The following MIDEAS variants were observed in gnomAD, a reference collection of about 807,000 sequenced individuals.
MIDEAS encodes mitotic deacetylase-associated SANT domain protein.
In MIDEAS, 26 loss-of-function variants were observed where a neutral mutation model predicts 102.7. That is an observed-to-expected ratio of 0.25 (90% confidence interval 0.19 to 0.35). The LOEUF (loss-of-function observed/expected upper bound fraction) is 0.35, where lower values mean the gene tolerates loss of function less well. Ranked by LOEUF, MIDEAS falls within the 10% of genes least tolerant of loss-of-function variation. The probability of loss-of-function intolerance (pLI) is 1.00; values close to 1 mark genes in which losing one functional copy is unlikely to be tolerated. For synonymous variants in MIDEAS, 585 were observed against 591.0 expected (o/e 0.99, Z 0.15); for missense variants, 1,231 against 1,435.6 (o/e 0.86, Z 2.30).
intron 1 of MIDEAS, among the ~76,000 whole-genome samples, chr14:73,783,423 T>TCACC (rs2053774261): frequency 6.6e-6 from 1 of 151,938 alleles, no homozygotes; most frequent in African/African-American, 2.4e-5. Context: ...ACACACAGAG[T>TCACC]GGGTCACCGG....
At chr14:73,737,363 C>G in intron 2 of MIDEAS, 66 bp from the exon 3 acceptor site, 1 of 1,498,218 alleles carries the variant, frequency 6.7e-7, no homozygotes, top group Non-Finnish European at 9.0e-7. Context: ...GTGGCTCACG[C>G]CTATAATTCC....
At position 73,725,431 on chromosome 14, in the gene MIDEAS, G is replaced by T; in HGVS notation, c.2486-71C>A. 2 of 1,305,584 alleles carry T rather than the reference G, an allele frequency of 1.5e-6. No homozygotes were observed. Among genetic ancestry groups the T allele is most frequent in the Non-Finnish European group, 2.2e-6 (2 of 904,400 alleles). The allele number at this position is 1,305,584 out of a possible 1,614,324, so 80.9% of individuals were successfully genotyped here. ...GGCCACTGCAGGGCAATTTTGACAA[G>T]CAAAAAAGTGTGAGGCCATCCGCCC... On this transcript the variant is annotated intron_variant, in intron 8 of 12. Transcript: ENST00000423556. This position sits in a 1 kb window ranked among gnomAD's most constrained non-coding sequence, Gnocchi z 4.1.
intron 12 of MIDEAS, 133 bp from the exon 13 acceptor site, chr14:73,719,141 T>C (rs909526114): frequency 6.8e-5 from 100 of 1,462,764 alleles, no homozygotes; most frequent in Middle Eastern, 4.7e-4. Context: ...CGCGTCATTT[T>C]CCGAAAGCTG....
chr14:73,718,988 C>T lies in MIDEAS; in HGVS notation c.3155G>A (p.Ser1052Asn). The change falls in exon 13 of 13, where the codon AGC (serine) becomes AAC (asparagine). Residue 1052 changes from serine (S) to asparagine (N), a missense_variant. By Grantham distance (46) the Ser-to-Asn change is conservative. Transcript: ENST00000423556. ...KCGRVFYKVK[S>N]RSAHMKSHAE... ...GTGGCTCTTCATATGCGCACTGCGG[C>T]TCTTCACCTTGTAAAACACCCTGCA... 6.7e-7 allele frequency: 1 copy of T among 1,499,082 alleles called. No homozygotes were observed. The highest frequency in any genetic ancestry group is 8.8e-7 in the Non-Finnish European group (1 of 1,131,322). The allele number at this position is 1,499,082 out of a possible 1,614,324, so 92.9% of individuals were successfully genotyped here.
chr14:73,715,476 A>T lies in MIDEAS; in HGVS notation c.*3367T>A, dbSNP rs561024738. Reference sequence around the variant, plus strand: ...TCTGTACAATAATTACAGACTGTCAAGGCTGTTCCTGTGCTCTGTCCCCTC... The same window carrying T: ...TCTGTACAATAATTACAGACTGTCATGGCTGTTCCTGTGCTCTGTCCCCTC... On this transcript the variant is annotated 3_prime_UTR_variant, in exon 13 of 13. Transcript: ENST00000423556. 6.6e-6 allele frequency: 1 copy of T among 152,566 alleles called. No individual in the cohort carries two copies. The highest frequency in any genetic ancestry group is 1.5e-5 in the Non-Finnish European group (1 of 68,040). 9.5% of individuals were successfully genotyped at this position (152,566 alleles called of 1,614,324 possible).
rs2053531606 is a variant in MIDEAS, at chr14:73,759,520, C to T, written c.-248+243G>A. On this transcript the variant is annotated intron_variant, in intron 1 of 12. Transcript: ENST00000423556. This position sits in a 1 kb window ranked among gnomAD's most constrained non-coding sequence, Gnocchi z 6.7. ...TGCACACGCAGCTGCGGGCCGAGGGCGCGGACCGCGGGGGAGGGGGCGGCG... is the reference window on the plus strand; with the variant it reads ...TGCACACGCAGCTGCGGGCCGAGGGTGCGGACCGCGGGGGAGGGGGCGGCG... Among the ~76,000 whole-genome samples, 1 of 149,686 alleles carries T rather than the reference C, an allele frequency of 6.7e-6. No homozygotes were observed. Among genetic ancestry groups the T allele is most frequent in the Non-Finnish European group, 1.5e-5 (1 of 67,090 alleles).
At chr14:73,749,025 CAT>C (rs1427824698) in intron 1 of MIDEAS, among the ~76,000 whole-genome samples, 2 of 152,152 alleles carry the variant, frequency 1.3e-5, no homozygotes, top group South Asian at 2.1e-4. Flanking sequence ...TATACATACA[CAT>C]GAGAGAGAGA....
chr14:73,737,128 T>G lies in MIDEAS; in HGVS notation c.1619A>C (p.Glu540Ala). The change falls in exon 3 of 13, where the codon GAG becomes GCG. Residue 540 changes from glutamate to alanine, a missense_variant. Physicochemically the swap from Glu to Ala is moderately radical, Grantham distance 107. Transcript: ENST00000423556. ...ATCAAGACCTCCAGCCTGGGCTGCC[T>G]CAGTTGGGTCCACAGTTCGCACAGG... is the stretch of plus-strand genomic sequence containing the variant. ...SVPVRTVDPT[E>A]AAQAGGLDED... 2 of 1,613,986 alleles carry G rather than the reference T, an allele frequency of 1.2e-6. No individual in the cohort carries two copies. Among genetic ancestry groups the G allele is most frequent in the Non-Finnish European group, 1.7e-6 (2 of 1,179,966 alleles).
chr14:73,731,492 G>A (rs569534608), intron 3 of MIDEAS, among the ~76,000 whole-genome samples: 1 of 151,654 alleles, frequency 6.6e-6, no homozygotes, highest in Admixed American at 6.6e-5. Context: ...AAAAAATGCA[G>A]GAGCCAAAGG....
chr14:73,733,774 A>T (rs1056534311), intron 3 of MIDEAS, among the ~76,000 whole-genome samples: 6 of 151,792 alleles, frequency 4.0e-5, no homozygotes, highest in Non-Finnish European at 5.9e-5. Context: ...GGCTTACTAC[A>T]ACCTCCACCT....
In MIDEAS at chr14:73,716,541, G is replaced by A. The variant is rs889296991; in HGVS notation, c.*2302C>T. 1 of 151,830 alleles carries A rather than the reference G, an allele frequency of 6.6e-6. No homozygotes were observed. The highest frequency in any genetic ancestry group is 1.5e-5 in the Non-Finnish European group (1 of 67,954). 9.4% of individuals were successfully genotyped at this position (151,830 alleles called of 1,614,324 possible). ...AAAAAAAATACAAAAAGATTAGCTG[G>A]GTGTGGTGGTGTGTGCCTATAATCC... On this transcript the variant is annotated 3_prime_UTR_variant, in exon 13 of 13. Transcript: ENST00000423556.
chr14:73,727,825 T>A (rs924399785), intron 4 of MIDEAS: 20 of 314,070 alleles, frequency 6.4e-5, no homozygotes, highest in South Asian at 3.9e-4. Flanking sequence ...ATAAAGATTA[T>A]TATTACTGCT....
At chr14:73,730,298 T>C in intron 3 of MIDEAS, 1 of 456,780 alleles carries the variant, frequency 2.2e-6, no homozygotes, top group Non-Finnish European at 4.1e-6. Context: ...TGTAACACAT[T>C]CTTAGCTCTG....
rs1024397106 is a variant in MIDEAS at position 73,729,956 on chromosome 14, C to T, written c.1779G>A (p.Gly593=). ...QAEDMNVKLE[G]EPSVRKPKQR... is the part of the protein sequence containing the mutation. ...GCTTTGGTTTCCGCACGGAAGGCTC[C>T]CCCTCCAACTTGACATTCATGTCCT... Residue 593 remains glycine, a synonymous_variant, in exon 4 of 13, where the codon GGG becomes GGA. Transcript: ENST00000423556. The T allele has an allele frequency of 1.9e-6, 3 of 1,599,778 alleles. No homozygotes were observed. The highest frequency in any genetic ancestry group is 1.7e-6 in the Non-Finnish European group (2 of 1,170,096).
intron 1 of MIDEAS, among the ~76,000 whole-genome samples, chr14:73,755,591 T>TG (rs141104691): frequency 0.01 from 1,595 of 152,260 alleles, 18 homozygotes; most frequent in African/African-American, 0.026. Flanking sequence ...GCCTGGGGCC[T>TG]GGGCGGGTAG....
rs2053541789 is a variant in MIDEAS, at chr14:73,760,234, G to T, written c.-719C>A. On this transcript the variant is annotated 5_prime_UTR_variant, in exon 1 of 13. Transcript: ENST00000423556. This position sits in a 1 kb window ranked among gnomAD's most constrained non-coding sequence, Gnocchi z 4.8. Reference sequence around the variant, plus strand: ...CACAACTCGAGGCTGGGAGCGCGGAGCGCCCAGCGGCCGGCCGGCGCGCGC... The same window carrying T: ...CACAACTCGAGGCTGGGAGCGCGGATCGCCCAGCGGCCGGCCGGCGCGCGC... 6.6e-6 allele frequency: 1 copy of T among 152,274 alleles called. No homozygotes were observed. The highest frequency in any genetic ancestry group is 2.1e-4 in the South Asian group (1 of 4,826). 9.4% of individuals were successfully genotyped at this position (152,274 alleles called of 1,614,324 possible).
At chr14:73,766,438 A>G (rs2053592764) in intron 1 of MIDEAS, among the ~76,000 whole-genome samples, 1 of 152,240 alleles carries the variant, frequency 6.6e-6, no homozygotes, top group Non-Finnish European at 1.5e-5. Flanking sequence ...GTTCTATTTC[A>G]TTGATTCTAA....
At chr14:73,790,224 C>T (rs2053856524), upstream of MIDEAS, 1 of 152,190 alleles carries the variant, frequency 6.6e-6, no homozygotes, top group South Asian at 2.1e-4. Context: ...AAATATAAAA[C>T]AAAGTTTCAG....
intron 3 of MIDEAS, among the ~76,000 whole-genome samples, chr14:73,734,684 GC>G (rs1225918808): frequency 6.6e-6 from 1 of 151,934 alleles, no homozygotes; most frequent in African/African-American, 2.4e-5. Flanking sequence ...TCCTGCCTTG[GC>G]CCCCCCAAAG....
Sources: gnomAD v4.1 joint callset for allele counts (sites outside exome capture counted in the v4.1 genomes callset) on GRCh38, gnomAD v4.1.1 for gene constraint, Gnocchi (gnomAD v3.1) non-coding constraint, MANE v1.5 for transcripts, NCBI Gene and HGNC (gene_info 2026-07-23, HGNC 2026-07-21) for gene names.